Variants in PPP2R5C observed in about 807,000 individuals in gnomAD.
PPP2R5C encodes the protein protein phosphatase 2 regulatory subunit B'gamma, also known as serine/threonine-protein phosphatase 2A 56 kDa regulatory subunit gamma isoform.
PPP2R5C carries 7 observed loss-of-function variants against 68.9 expected under a neutral mutation model. That is an observed-to-expected ratio of 0.10 (90% CI 0.06 to 0.19). PPP2R5C has a LOEUF of 0.19. Among genes scored for constraint, PPP2R5C ranks in the 10% least tolerant of loss-of-function variants. PPP2R5C has a pLI of 1.00. For missense variants in PPP2R5C, 348 were observed against 641.3 expected, an observed-to-expected ratio of 0.54 and a Z score of 4.94; for synonymous variants, 210 against 222.2, an observed-to-expected ratio of 0.95 and a Z score of 0.49.
At chr14:101,886,004 G>A (rs190560695) in intron 5 of PPP2R5C, among the ~76,000 whole-genome samples, 11 of 152,318 alleles carry the variant, frequency 7.2e-5, no homozygotes, top group Admixed American at 3.3e-4. Context: ...AAAATGGGCC[G>A]GGCGTGGTGG....
At chr14:101,839,632 A>T (rs1372418109) in intron 1 of PPP2R5C, 1 of 152,258 alleles carries the variant, frequency 6.6e-6, no homozygotes, top group Non-Finnish European at 1.5e-5. Flanking sequence ...TTCAGAAGAG[A>T]GTAGACTCAG....
At chr14:101,849,440 C>T (rs1385243727) in intron 1 of PPP2R5C, among the ~76,000 whole-genome samples, 1 of 152,160 alleles carries the variant, frequency 6.6e-6, no homozygotes. Context: ...ATGAGAGTGA[C>T]GAGCCCTTCA....
intron 1 of PPP2R5C, among the ~76,000 whole-genome samples, chr14:101,842,038 AC>A (rs1262399112): frequency 2.6e-5 from 4 of 152,020 alleles, no homozygotes. Context: ...CCCCCACCAA[AC>A]CCTGCTGTGT....
At chr14:101,890,104 T>C in intron 5 of PPP2R5C, 133 bp from the exon 8 acceptor site, 1 of 813,226 alleles carries the variant, frequency 1.2e-6, no homozygotes. Flanking sequence ...AAGGGCTGCT[T>C]GCTCACCACG....
chr14:101,776,942 G>A (rs1312557956), intron 2 of PPP2R5C, among the ~76,000 whole-genome samples: 1 of 148,428 alleles, frequency 6.7e-6, no homozygotes. Flanking sequence ...GTGCAATGGC[G>A]TGATCTCGGC....
At chr14:101,869,892 T>A (rs574021195) in intron 2 of PPP2R5C, among the ~76,000 whole-genome samples, 1 of 152,172 alleles carries the variant, frequency 6.6e-6, no homozygotes, top group East Asian at 1.9e-4. Context: ...GCTCAAGTGA[T>A]CCCCCTGCCT....
rs111371960 is a variant in PPP2R5C, at chr14:101,773,941, T to C, written c.93+10971T>C. Reference sequence around the variant, plus strand: ...AACTCCTGGCCTCAAGCGATCCTCCTACCTCGGCCTTCCGAAGTGCTGGGA... The same window carrying C: ...AACTCCTGGCCTCAAGCGATCCTCCCACCTCGGCCTTCCGAAGTGCTGGGA... On this transcript the variant is annotated intron_variant, in intron 2 of 14. Coordinates refer to the PPP2R5C transcript ENST00000328724. 6.7e-3 allele frequency among the ~76,000 whole-genome samples: 1,023 copies of C among 152,344 alleles called. 13 individuals are homozygous for C. The highest frequency in any genetic ancestry group is 0.024 in the African/African-American group (985 of 41,582).
At chr14:101,853,270 AAT>A (rs2042257103) in intron 1 of PPP2R5C, among the ~76,000 whole-genome samples, 1 of 152,178 alleles carries the variant, frequency 6.6e-6, no homozygotes, top group African/African-American at 2.4e-5. Context: ...TTAAAAAAAA[AAT>A]AGTCAAATGA....
chr14:101,822,342 G>GAAC (rs1280802228), intron 1 of PPP2R5C, among the ~76,000 whole-genome samples: 1 of 152,210 alleles, frequency 6.6e-6, no homozygotes, highest in African/African-American at 2.4e-5. Context: ...GAACGAGAAT[G>GAAC]AACACATTTC....
chr14:101,907,666 C>T lies in PPP2R5C; in HGVS notation c.1151+1137C>T, dbSNP rs1052435306. Among the ~76,000 whole-genome samples the T allele has an allele frequency of 4.6e-5, 7 of 152,282 alleles. No individual in the cohort carries two copies. The East Asian group carries it at 1.4e-3, about 29-fold the overall frequency. On this transcript the variant is annotated intron_variant, in intron 10 of 13. Transcript: ENST00000334743. ...AGGAAGGTGAGACTTGGAGGGCATT[C>T]GCAGCCCAGTCTGCGGTCCCAAAGC...
chr14:101,883,588 C>A, intron 5 of PPP2R5C, 26 bp downstream of exon 7: 1 of 1,609,046 alleles, frequency 6.2e-7, no homozygotes, highest in South Asian at 1.1e-5. Flanking sequence ...ATGGCGTTGT[C>A]CTTGTGTGTG....
chr14:101,767,641 AT>A (rs2036926025), intron 2 of PPP2R5C, among the ~76,000 whole-genome samples: 1 of 152,232 alleles, frequency 6.6e-6, no homozygotes, highest in South Asian at 2.1e-4. Context: ...TACTTTAAAA[AT>A]CTTTTTGAAA....
At chr14:101,819,977 A>G (rs1303203685) in intron 1 of PPP2R5C, 1 of 152,206 alleles carries the variant, frequency 6.6e-6, no homozygotes, top group Non-Finnish European at 1.5e-5. Flanking sequence ...CCGTTCTAGC[A>G]TGCTGGAGTG....
In PPP2R5C at chr14:101,796,118, C is replaced by T. The variant is rs530814367; in HGVS notation, c.259+9935C>T. 7.9e-5 allele frequency among the ~76,000 whole-genome samples: 12 copies of T among 152,282 alleles called. No individual in the cohort carries two copies. The East Asian group carries it at 1.7e-3, about 22-fold the overall frequency. The stretch of plus-strand genomic sequence containing the variant: ...GATTACAGCCATGAGAGCCACTGCG[C>T]CCTGCCTATTTTCTGATACAATTGA... On this transcript the variant is annotated intron_variant, in intron 3 of 14. Coordinates refer to the PPP2R5C transcript ENST00000328724.
At chr14:101,921,054 C>CTTTTTTTTTTTTTTTTTTTTT (rs35320139) in intron 13 of PPP2R5C, 2 of 53,356 alleles carry the variant, frequency 3.7e-5, no homozygotes, top group Non-Finnish European at 7.2e-5. Flanking sequence ...ATAAATTCTG[C>CTTTTTTTTTTTTTTTTTTTTT]TTTTTTTTTT....
At chr14:101,837,636 G>A (rs565230049) in intron 1 of PPP2R5C, among the ~76,000 whole-genome samples, 1 of 152,296 alleles carries the variant, frequency 6.6e-6, no homozygotes, top group East Asian at 1.9e-4. Context: ...CGTCGCTCAA[G>A]CAAAACTTCC....
At chr14:101,768,859 C>G (rs993894648) in intron 2 of PPP2R5C, among the ~76,000 whole-genome samples, 1 of 148,426 alleles carries the variant, frequency 6.7e-6, no homozygotes, top group Non-Finnish European at 1.5e-5. Context: ...GAGTCTTGCT[C>G]TGTCACCCAG....
chr14:101,914,325 A>G, intron 12 of PPP2R5C: 1 of 365,354 alleles, frequency 2.7e-6, no homozygotes, highest in Non-Finnish European at 5.4e-6. Context: ...TGGTCTCCTA[A>G]ACAGAAAATA....
chr14:101,866,043 C>T (rs551863727), intron 2 of PPP2R5C, among the ~76,000 whole-genome samples: 3 of 152,154 alleles, frequency 2.0e-5, no homozygotes, highest in Middle Eastern at 3.4e-3. Flanking sequence ...TACAGGCATG[C>T]GCCACCACAC....
Sources: gnomAD v4.1 joint callset for allele counts (sites outside exome capture counted in the v4.1 genomes callset) on GRCh38, gnomAD v4.1.1 for gene constraint, MANE v1.5 for transcripts, NCBI Gene and HGNC (gene_info 2026-07-23, HGNC 2026-07-21) for gene names.